Variants in NEK11 observed in about 807,000 individuals in gnomAD.
NEK11 encodes serine/threonine-protein kinase Nek11.
NEK11 carries 72 observed loss-of-function variants against 80.7 expected under a neutral mutation model. That is an observed-to-expected ratio of 0.89 (90% confidence interval 0.74 to 1.08). NEK11 has a LOEUF of 1.08. Among genes scored for constraint, NEK11 ranks in the 50% least tolerant of loss-of-function variants. The pLI is 0.00. For synonymous variants in NEK11, 251 were observed against 260.7 expected, an observed-to-expected ratio of 0.96 and a Z score of 0.36; for missense variants, 764 against 763.6, an observed-to-expected ratio of 1.00 and a Z score of -0.01.
At chr3:131,227,037 G>C (rs1273951394) in intron 14 of NEK11, among the ~76,000 whole-genome samples, 1 of 151,288 alleles carries the variant, frequency 6.6e-6, no homozygotes, top group African/African-American at 2.4e-5. Flanking sequence ...GAAAATCAGT[G>C]ATCTGAACTG....
Position 131,184,233 on chromosome 3 carries a change from C to CA in NEK11, c.1399+13348dup, listed in dbSNP as rs2093499581. On this transcript the variant is annotated intron_variant, in intron 14 of 17. Transcript: ENST00000383366. ...GTATCATACCACAGCAACTTAGAGT[C>CA]AATAAACTAGTTCTTTGTTACTCAA... Among the ~76,000 whole-genome samples, 6 of 152,250 alleles carry CA rather than the reference C, an allele frequency of 3.9e-5. No homozygotes were observed. The South Asian group carries it at 1.2e-3, about 32-fold the overall frequency.
intron 4 of NEK11, among the ~76,000 whole-genome samples, chr3:131,106,333 G>T (rs1221016262): frequency 1.3e-5 from 2 of 148,910 alleles, no homozygotes; most frequent in Admixed American, 6.7e-5. Flanking sequence ...AAAAGTTTCT[G>T]GTATAGAAAG....
chr3:131,206,834 T>G (rs935500093), intron 14 of NEK11, among the ~76,000 whole-genome samples: 2 of 150,834 alleles, frequency 1.3e-5, no homozygotes, highest in African/African-American at 5.0e-5. Context: ...CCCTCCCCCA[T>G]CCCCTCACCC....
chr3:131,029,322 A>G (rs941209524), intron 2 of NEK11, among the ~76,000 whole-genome samples: 12 of 152,216 alleles, frequency 7.9e-5, no homozygotes, highest in Non-Finnish European at 1.6e-4. Flanking sequence ...TATAAATCTT[A>G]AATAAATGAA....
chr3:131,126,410 C>T (rs369453928), intron 5 of NEK11, among the ~76,000 whole-genome samples: 2 of 152,148 alleles, frequency 1.3e-5, no homozygotes, highest in African/African-American at 4.8e-5. Context: ...TTTATTTTTT[C>T]CTCATCCTTT....
chr3:131,348,398 C>G (rs2097398710), intron 17 of NEK11, among the ~76,000 whole-genome samples: 1 of 151,660 alleles, frequency 6.6e-6, no homozygotes, highest in African/African-American at 2.4e-5. Flanking sequence ...ACTTGAATGC[C>G]CTTGAGTTAA....
chr3:131,039,302 T>C (rs2066101215), intron 3 of NEK11, among the ~76,000 whole-genome samples: 1 of 152,200 alleles, frequency 6.6e-6, no homozygotes, highest in Non-Finnish European at 1.5e-5. Flanking sequence ...GGTTGATGAA[T>C]ATTAGAATAT....
chr3:131,131,909 C>G (rs1437801525), intron 5 of NEK11, among the ~76,000 whole-genome samples: 3 of 151,862 alleles, frequency 2.0e-5, no homozygotes, highest in African/African-American at 7.2e-5. Flanking sequence ...TTTTCATTTT[C>G]ATTTAGTTCA....
At chr3:131,053,729 A>G (rs2068838473) in intron 3 of NEK11, 1 of 152,242 alleles carries the variant, frequency 6.6e-6, no homozygotes, top group South Asian at 2.1e-4. Context: ...GGCCAATGGG[A>G]TGAGAGATCA....
Position 131,114,539 on chromosome 3 carries a change from G to A in NEK11, c.455+4618G>A, listed in dbSNP as rs1305427198. Among the ~76,000 whole-genome samples the A allele has an allele frequency of 2.0e-5, 3 of 152,170 alleles. No individual in the cohort carries two copies. The East Asian group carries it at 5.8e-4, about 29-fold the overall frequency. ...TCCAGGACAGGCTTTACTCCTGGTG[G>A]AGGGAAAAGCAAGAGAGTGGAAACC... is the stretch of plus-strand genomic sequence containing the variant. On this transcript the variant is annotated intron_variant, in intron 5 of 17. Transcript: ENST00000383366.
Position 131,349,661 on chromosome 3 carries a change from T to C in NEK11, c.1823T>C (p.Leu608Ser), listed in dbSNP as rs1042971569. 2.5e-6 allele frequency: 4 copies of C among 1,614,122 alleles called. No individual in the cohort carries two copies. The African/African-American group carries it at 5.3e-5, about 22-fold the overall frequency. The change falls in exon 18 of 18, where the codon TTG becomes TCG. Residue 608 changes from leucine to serine, a missense_variant. Transcript: ENST00000383366. ...NASEAEIRECLEKVVPQASDC... is the reference protein window; with the variant it reads ...NASEAEIRECSEKVVPQASDC... The stretch of plus-strand genomic sequence containing the variant: ...AGCGAAGCAGAGATCCGCGAGTGTT[T>C]GGAAAAAGTGGTGCCTCAAGCCAGC...
chr3:131,337,266 C>A (rs550831498), intron 17 of NEK11, among the ~76,000 whole-genome samples: 2 of 152,092 alleles, frequency 1.3e-5, no homozygotes, highest in Non-Finnish European at 2.9e-5. Flanking sequence ...ACATATACAC[C>A]ATGGAATACT....
At chr3:131,070,398 A>C (rs13069344) in intron 3 of NEK11, among the ~76,000 whole-genome samples, 25,092 of 152,188 alleles carry the variant, frequency 0.16, 2,190 homozygotes, top group Middle Eastern at 0.2. Context: ...AACAACCTCA[A>C]AATGTAGACT....
At chr3:131,226,725 T>C (rs1305271656) in intron 14 of NEK11, among the ~76,000 whole-genome samples, 1 of 151,972 alleles carries the variant, frequency 6.6e-6, no homozygotes, top group East Asian at 1.9e-4. Flanking sequence ...ACATATTGGG[T>C]ACAGTGTATA....
At chr3:131,181,604 G>C (rs1415523258) in intron 14 of NEK11, among the ~76,000 whole-genome samples, 1 of 151,964 alleles carries the variant, frequency 6.6e-6, no homozygotes. Flanking sequence ...AAATTAGCAG[G>C]GTGTGGTGGC....
At chr3:131,269,546 C>T in intron 16 of NEK11, among the ~76,000 whole-genome samples, 1 of 152,194 alleles carries the variant, frequency 6.6e-6, no homozygotes, top group East Asian at 1.9e-4. Flanking sequence ...AGCTCACCCT[C>T]TGTGGGCTGC....
chr3:131,121,690 C>T (rs944409735), intron 5 of NEK11, among the ~76,000 whole-genome samples: 7 of 152,132 alleles, frequency 4.6e-5, no homozygotes, highest in Admixed American at 6.5e-5. Context: ...TAATGGTGGA[C>T]GCCCCTCCCC....
intron 14 of NEK11, among the ~76,000 whole-genome samples, chr3:131,176,789 C>G (rs145319464): frequency 6.6e-6 from 1 of 152,056 alleles, no homozygotes; most frequent in Non-Finnish European, 1.5e-5. Context: ...CCAGCACCCA[C>G]GGACATCTCA....
chr3:131,259,531 A>G (rs2095874721), intron 16 of NEK11, among the ~76,000 whole-genome samples: 1 of 152,180 alleles, frequency 6.6e-6, no homozygotes, highest in South Asian at 2.1e-4. Flanking sequence ...TTGAGTAGGC[A>G]GGACTTTTAT....
Sources: allele counts gnomAD v4.1 joint callset (sites outside exome capture counted in the v4.1 genomes callset), GRCh38; gene constraint gnomAD v4.1.1; transcripts MANE v1.5; gene names NCBI Gene and HGNC (gene_info 2026-07-23, HGNC 2026-07-21).